Variants in DENND2A observed in about 807,000 individuals in gnomAD.
DENND2A encodes DENN domain-containing protein 2A.
DENND2A carries 53 observed loss-of-function variants against 105.3 expected under a neutral mutation model. That is an observed-to-expected ratio of 0.50 (90% CI 0.40 to 0.63). The LOEUF (loss-of-function observed/expected upper bound fraction) is 0.63. DENND2A is among the 30% of genes least tolerant of loss of function. The probability of loss-of-function intolerance (pLI) is 0.00; values close to 1 mark genes in which losing one functional copy is unlikely to be tolerated. For missense variants in DENND2A, 1,138 were observed against 1,279.6 expected (o/e 0.89, Z 1.69); for synonymous variants, 522 against 508.4 (o/e 1.03, Z -0.36).
At chr7:140,531,687 T>C (rs1000989082) in intron 14 of DENND2A, among the ~76,000 whole-genome samples, 1 of 151,666 alleles carries the variant, frequency 6.6e-6, no homozygotes, top group Non-Finnish European at 1.5e-5. Flanking sequence ...TGGTGGCGTG[T>C]GCCTGTAATC....
At chr7:140,557,665 G>T (rs1412678620) in intron 11 of DENND2A, among the ~76,000 whole-genome samples, 16 of 142,948 alleles carry the variant, frequency 1.1e-4, no homozygotes, top group Non-Finnish European at 2.0e-4. Context: ...TCAGCCTCCC[G>T]TGTAGCTGGG....
intron 3 of DENND2A, among the ~76,000 whole-genome samples, chr7:140,596,301 A>C (rs1379443458): frequency 6.6e-6 from 1 of 152,216 alleles, no homozygotes; most frequent in Non-Finnish European, 1.5e-5. Flanking sequence ...GTTTCTCAGA[A>C]GCTTCCAGAG....
In DENND2A at chr7:140,602,432, A is replaced by AG; in HGVS notation, c.-36dup. 6.6e-7 allele frequency: 1 copy of AG among 1,514,506 alleles called. No homozygotes were observed. Among genetic ancestry groups the AG allele is most frequent in the Non-Finnish European group, 8.8e-7 (1 of 1,137,250 alleles). 93.8% of individuals were successfully genotyped at this position (1,514,506 alleles called of 1,614,324 possible). A position where few individuals can be genotyped will look rare whatever the true frequency, so the allele number is the denominator to read the frequency against. On this transcript the variant is annotated 5_prime_UTR_variant, in exon 3 of 20. Coordinates refer to ENST00000496613, the MANE Select transcript of DENND2A (RefSeq NM_015689.5). ...TAGCGTGAGGTTGTGGAGGCCTTCCAGGGGACTCCTTCTGAAGCCTGACTC... is the reference window on the plus strand; with the variant it reads ...TAGCGTGAGGTTGTGGAGGCCTTCCAGGGGGACTCCTTCTGAAGCCTGACTC...
Position 140,599,657 on chromosome 7 carries a change from T to G in DENND2A, c.995+1746A>C, listed in dbSNP as rs369387992. Among the ~76,000 whole-genome samples the G allele has an allele frequency of 3.7e-4, 56 of 152,016 alleles. No homozygotes were observed. In the East Asian group the frequency reaches 9.3e-3, roughly 25 times the overall value. On this transcript the variant is annotated intron_variant, in intron 3 of 19. Transcript: ENST00000496613. ...CTATATGCTCCTTATCACAGCATTATTTGTAAACTGGGAATAACTTATATA... is the reference window on the plus strand; with the variant it reads ...CTATATGCTCCTTATCACAGCATTAGTTGTAAACTGGGAATAACTTATATA...
chr7:140,543,936 G>C (rs571217311), intron 14 of DENND2A: 1 of 154,022 alleles, frequency 6.5e-6, no homozygotes, highest in African/African-American at 2.4e-5. Context: ...CTGTTGCTCA[G>C]GCTGGAGTGC....
At chr7:140,574,114 G>A in intron 5 of DENND2A, 106 bp from the exon 6 acceptor site, 2 of 1,297,148 alleles carry the variant, frequency 1.5e-6, no homozygotes, top group Non-Finnish European at 2.2e-6. Context: ...AAGAGGAACT[G>A]GTCTATGTTC....
chr7:140,604,261 C>G (rs549084966), intron 2 of DENND2A, among the ~76,000 whole-genome samples: 1 of 152,248 alleles, frequency 6.6e-6, no homozygotes. Flanking sequence ...GTGTAAAGAC[C>G]TCTTCCTCAG....
chr7:140,638,589 T>A (rs892841154), intron 1 of DENND2A, among the ~76,000 whole-genome samples: 1 of 152,148 alleles, frequency 6.6e-6, no homozygotes, highest in Non-Finnish European at 1.5e-5. Context: ...TGGCAGATCC[T>A]TCCTTCCCTG....
At chr7:140,621,597 CA>C (rs1563183264) in intron 1 of DENND2A, among the ~76,000 whole-genome samples, 1 of 152,084 alleles carries the variant, frequency 6.6e-6, no homozygotes, top group Non-Finnish European at 1.5e-5. Flanking sequence ...CTCACAGATA[CA>C]AAGGGCCTGT....
intron 2 of DENND2A, among the ~76,000 whole-genome samples, chr7:140,605,453 G>A (rs939215726): frequency 3.3e-5 from 5 of 152,310 alleles, no homozygotes; most frequent in Admixed American, 1.3e-4. Flanking sequence ...ATTGGAATGC[G>A]TCATGGGGAT....
rs147836522 is a variant in DENND2A, at chr7:140,623,703, G to C, written c.-248+16801C>G. ...AGATCATGCCACAGCCTGGGTGACA[G>C]AGCAAGACTCCGTCTAGAAAAAAAA... On this transcript the variant is annotated intron_variant, in intron 1 of 19. Transcript: ENST00000496613. Among the ~76,000 whole-genome samples the C allele has an allele frequency of 1.1e-3, 153 of 144,824 alleles. 1 individual carries two copies. The East Asian group carries it at 0.018, about 17-fold the overall frequency.
intron 14 of DENND2A, among the ~76,000 whole-genome samples, chr7:140,542,568 T>C (rs1404327138): frequency 1.0e-4 from 14 of 133,516 alleles, no homozygotes; most frequent in South Asian, 7.0e-4. Context: ...TCTCTCTCTT[T>C]TTTTTTTTTT....
intron 14 of DENND2A, among the ~76,000 whole-genome samples, chr7:140,528,318 T>G (rs6975257): frequency 0.21 from 31,808 of 152,136 alleles, 3,409 homozygotes; most frequent in Middle Eastern, 0.25. Context: ...GTTCCAAGCA[T>G]TCTTTCAGCT....
In DENND2A at chr7:140,602,410, C is replaced by G. The variant is rs373669746; in HGVS notation, c.-13G>C. 1 of 1,540,000 alleles carries G rather than the reference C, an allele frequency of 6.5e-7. No homozygotes were observed. The highest frequency in any genetic ancestry group is 1.2e-5 in the South Asian group (1 of 81,756). On this transcript the variant is annotated 5_prime_UTR_variant, in exon 3 of 20. Transcript: ENST00000496613. ...TGAACATATCCATTCTTGACTCTAG[C>G]GTGAGGTTGTGGAGGCCTTCCAGGG...
chr7:140,552,002 T>G (rs890929034), intron 12 of DENND2A, among the ~76,000 whole-genome samples: 1 of 152,228 alleles, frequency 6.6e-6, no homozygotes, highest in East Asian at 1.9e-4. Flanking sequence ...CCCCTGCCCA[T>G]GACAGCAGTG....
intron 6 of DENND2A, among the ~76,000 whole-genome samples, chr7:140,573,274 A>G (rs1254014737): frequency 6.6e-6 from 1 of 152,228 alleles, no homozygotes; most frequent in African/African-American, 2.4e-5. Flanking sequence ...AAATTGGTCA[A>G]TGAAGAGAGA....
At position 140,602,190 on chromosome 7, in the gene DENND2A, C is replaced by T. The variant is rs199780090; in HGVS notation, c.208G>A (p.Gly70Arg). 8.2e-5 allele frequency: 132 copies of T among 1,614,178 alleles called. No individual in the cohort carries two copies. In the African/African-American group the frequency reaches 1.6e-3, roughly 19 times the overall value. Reference protein sequence around the residue: ...PTPAPSRRADGQEDYLPSSTV... With the variant: ...PTPAPSRRADRQEDYLPSSTV... ...GAGGACGGCAGATAATCCTCCTGTC[C>T]GTCTGCTCTCCTGCTGGGTGCAGGA... The change falls in exon 3 of 20, where the codon GGA becomes AGA. Residue 70 changes from glycine to arginine, a missense_variant. Gly to Arg is a moderately radical substitution (Grantham distance 125). This residue lies in a region of DENND2A where 511 missense variants were observed against 499.9 expected (regional missense o/e 1.02). Coordinates refer to ENST00000496613, the MANE Select transcript of DENND2A (RefSeq NM_015689.5).
intron 1 of DENND2A, among the ~76,000 whole-genome samples, chr7:140,611,664 A>G (rs1390439731): frequency 6.6e-6 from 1 of 152,240 alleles, no homozygotes; most frequent in Non-Finnish European, 1.5e-5. Flanking sequence ...GTTACATGCT[A>G]CAACATTGGT....
chr7:140,633,811 G>C (rs1333569909), intron 1 of DENND2A, among the ~76,000 whole-genome samples: 1 of 152,044 alleles, frequency 6.6e-6, no homozygotes, highest in Non-Finnish European at 1.5e-5. Flanking sequence ...CTGTTGCCCA[G>C]GCTGGAGTGC....
Sources: allele counts gnomAD v4.1 joint callset (sites outside exome capture counted in the v4.1 genomes callset), GRCh38; gene constraint gnomAD v4.1.1; regional missense constraint gnomAD v4.1.1; transcripts MANE v1.5; gene names NCBI Gene and HGNC (gene_info 2026-07-23, HGNC 2026-07-21).